CRYBG1: variants seen among roughly 807,000 people sequenced by gnomAD.
CRYBG1 encodes beta/gamma crystallin domain-containing protein 1.
In CRYBG1, 139 loss-of-function variants were observed where a neutral mutation model predicts 189.2. That is an observed-to-expected ratio of 0.73 (90% CI 0.64 to 0.85). The LOEUF is 0.85. Ranked by LOEUF, CRYBG1 falls within the 40% of genes least tolerant of loss-of-function variation. The probability of loss-of-function intolerance (pLI) is 0.00; values close to 1 mark genes in which losing one functional copy is unlikely to be tolerated. For missense variants in CRYBG1, 2,611 were observed against 2,675.8 expected (o/e 0.98, Z 0.53); for synonymous variants, 1,023 against 1,017.1 (o/e 1.01, Z -0.11).
At chr6:106,461,639 A>G (rs769117740) in intron 2 of CRYBG1, among the ~76,000 whole-genome samples, 5 of 152,162 alleles carry the variant, frequency 3.3e-5, no homozygotes, top group Admixed American at 1.3e-4. Flanking sequence ...TCTATTGCCA[A>G]GAAAAAAGGC....
At chr6:106,487,683 T>C (rs1461018789) in intron 2 of CRYBG1, among the ~76,000 whole-genome samples, 1 of 152,224 alleles carries the variant, frequency 6.6e-6, no homozygotes, top group Non-Finnish European at 1.5e-5. Context: ...ATCTATCTTT[T>C]TGTTGAATTT....
At chr6:106,362,222 G>A (rs1771891290) in intron 1 of CRYBG1, among the ~76,000 whole-genome samples, 1 of 151,526 alleles carries the variant, frequency 6.6e-6, no homozygotes, top group Non-Finnish European at 1.5e-5. Flanking sequence ...GCCCGCCTCG[G>A]CCTCCCAAAG....
At chr6:106,564,128 T>C (rs1774804113) in intron 21 of CRYBG1, among the ~76,000 whole-genome samples, 1 of 152,026 alleles carries the variant, frequency 6.6e-6, no homozygotes. Context: ...GAGGCCTACA[T>C]TATCCCCTCT....
chr6:106,490,461 C>A (rs552556209), intron 2 of CRYBG1, among the ~76,000 whole-genome samples: 1 of 152,308 alleles, frequency 6.6e-6, no homozygotes, highest in African/African-American at 2.4e-5. Flanking sequence ...AAGATTATAT[C>A]TTTCAGAAAT....
chr6:106,498,442 T>A (rs1220354358), intron 2 of CRYBG1, among the ~76,000 whole-genome samples: 1 of 152,094 alleles, frequency 6.6e-6, no homozygotes, highest in Non-Finnish European at 1.5e-5. Flanking sequence ...CCAATCCCAT[T>A]AGGAATGTAT....
At chr6:106,539,036 A>G (rs1246611480) in intron 8 of CRYBG1, among the ~76,000 whole-genome samples, 2 of 152,122 alleles carry the variant, frequency 1.3e-5, no homozygotes, top group Non-Finnish European at 2.9e-5. Context: ...TCCTCATAGC[A>G]TGGTTGTGAG....
chr6:106,369,530 A>AT (rs1452789850), intron 1 of CRYBG1, among the ~76,000 whole-genome samples: 2 of 152,132 alleles, frequency 1.3e-5, no homozygotes, highest in African/African-American at 2.4e-5. Context: ...ACACCTCTTA[A>AT]TTTTTTTCAA....
intron 2 of CRYBG1, among the ~76,000 whole-genome samples, chr6:106,472,636 T>C (rs1002075590): frequency 7.2e-5 from 11 of 152,080 alleles, no homozygotes; most frequent in Non-Finnish European, 1.5e-4. Flanking sequence ...GGCTCATGCC[T>C]GTAATCCCAG....
intron 1 of CRYBG1, among the ~76,000 whole-genome samples, chr6:106,361,711 G>T (rs76358317): frequency 0.05 from 7,579 of 152,122 alleles, 615 homozygotes; most frequent in African/African-American, 0.17. Flanking sequence ...TTTTTATCAT[G>T]GTTTTGAAGT....
At position 106,545,018 on chromosome 6, in the gene CRYBG1, G is replaced by T. The variant is rs560361034; in HGVS notation, c.5312+85G>T. 1,105 of 1,085,582 alleles carry T rather than the reference G, an allele frequency of 1.0e-3. 12 individuals carry two copies. The South Asian group carries it at 0.013, about 12-fold the overall frequency. The allele number at this position is 1,085,582 out of a possible 1,614,324, so 67.2% of individuals were successfully genotyped here. On this transcript the variant is annotated intron_variant, in intron 13 of 21. Transcript: ENST00000633556. ...CTGGTAAGAGTCTATCACAGAGTAG[G>T]CATTCAATACACAAATATCTCAACA...
chr6:106,451,398 A>G (rs923989653), intron 1 of CRYBG1: 7 of 211,532 alleles, frequency 3.3e-5, no homozygotes, highest in Admixed American at 2.3e-4. Context: ...GATTACTTTC[A>G]TGCCAAAATC....
At chr6:106,559,674 T>C (rs534181571) in intron 18 of CRYBG1, among the ~76,000 whole-genome samples, 5 of 152,156 alleles carry the variant, frequency 3.3e-5, no homozygotes, top group Non-Finnish European at 7.4e-5. Flanking sequence ...TAATCCCAGC[T>C]ACTCAGGAGG....
intron 1 of CRYBG1, among the ~76,000 whole-genome samples, chr6:106,379,309 TG>T (rs1770240747): frequency 6.6e-6 from 1 of 151,918 alleles, no homozygotes; most frequent in Non-Finnish European, 1.5e-5. Context: ...TTGCCCAGGC[TG>T]GAGTGCAGTG....
chr6:106,408,541 A>T (rs572819833), intron 1 of CRYBG1, among the ~76,000 whole-genome samples: 1 of 152,352 alleles, frequency 6.6e-6, no homozygotes, highest in East Asian at 1.9e-4. Context: ...CATCATCCTG[A>T]TACCAAAAGC....
intron 2 of CRYBG1, among the ~76,000 whole-genome samples, chr6:106,499,147 TGTTTG>T (rs1248296089): frequency 0.47 from 47,723 of 100,548 alleles, 10,418 homozygotes; most frequent in African/African-American, 0.58. Context: ...TTTGTTTGTT[TGTTTG>T]TTTGTTTTTT....
chr6:106,387,810 A>G (rs1372700586), intron 1 of CRYBG1, among the ~76,000 whole-genome samples: 1 of 152,186 alleles, frequency 6.6e-6, no homozygotes, highest in Non-Finnish European at 1.5e-5. Flanking sequence ...AAATAACTCA[A>G]AATTATGAAG....
At chr6:106,362,348 C>T (rs1168958928) in intron 1 of CRYBG1, among the ~76,000 whole-genome samples, 1 of 152,058 alleles carries the variant, frequency 6.6e-6, no homozygotes, top group Admixed American at 6.6e-5. Context: ...AGCTAAGTGC[C>T]ATGTACTGCG....
At chr6:106,538,560 T>C (rs1409078482) in intron 8 of CRYBG1, among the ~76,000 whole-genome samples, 1 of 152,160 alleles carries the variant, frequency 6.6e-6, no homozygotes, top group Non-Finnish European at 1.5e-5. Flanking sequence ...GTAAACTGTG[T>C]TCAATGCACT....
intron 1 of CRYBG1, among the ~76,000 whole-genome samples, chr6:106,405,243 C>T (rs1469577801): frequency 6.6e-6 from 1 of 152,210 alleles, no homozygotes; most frequent in Non-Finnish European, 1.5e-5. Flanking sequence ...CAGTTTTCCC[C>T]TCACAGTGTA....
Sources: allele counts gnomAD v4.1 joint callset (sites outside exome capture counted in the v4.1 genomes callset), GRCh38; gene constraint gnomAD v4.1.1; transcripts MANE v1.5; gene names NCBI Gene and HGNC (gene_info 2026-07-23, HGNC 2026-07-21).